ARL15: variants seen among roughly 807,000 people sequenced by gnomAD.
ARL15 encodes the protein ARF like GTPase 15, also known as ADP-ribosylation factor-like protein 15.
ARL15 carries 19 observed loss-of-function variants against 25.2 expected under a neutral mutation model. The observed-to-expected ratio is 0.75, with a 90% CI of 0.53 to 1.10. The LOEUF (loss-of-function observed/expected upper bound fraction) is 1.10, where lower values mean the gene tolerates loss of function less well. ARL15 is among the 50% of genes least tolerant of loss of function. The pLI, the probability that ARL15 is intolerant of heterozygous loss-of-function variation, is 0.00. For synonymous variants in ARL15, 94 were observed against 86.8 expected, an observed-to-expected ratio of 1.08 and a Z score of -0.46; for missense variants, 220 against 246.0, an observed-to-expected ratio of 0.89 and a Z score of 0.71.
chr5:54,270,476 C>T (rs1438402276), intron 1 of ARL15, among the ~76,000 whole-genome samples: 2 of 152,222 alleles, frequency 1.3e-5, no homozygotes, highest in African/African-American at 2.4e-5. Context: ...AGAATGCCCA[C>T]GTATCCCCAG....
intron 4 of ARL15, among the ~76,000 whole-genome samples, chr5:54,030,615 G>A (rs995278917): frequency 6.6e-5 from 10 of 152,164 alleles, no homozygotes; most frequent in African/African-American, 1.9e-4. Flanking sequence ...CAAAGGTCCC[G>A]AGGCAGCAGT....
intron 1 of ARL15, among the ~76,000 whole-genome samples, chr5:54,191,925 T>C (rs1406952345): frequency 2.6e-5 from 4 of 152,156 alleles, no homozygotes; most frequent in African/African-American, 2.4e-5. Context: ...AAAGCCCTTA[T>C]AGCAGACTAA....
chr5:54,215,184 C>T (rs1756159082), intron 1 of ARL15, among the ~76,000 whole-genome samples: 1 of 152,074 alleles, frequency 6.6e-6, no homozygotes, highest in South Asian at 2.1e-4. Context: ...CATTCAGAAA[C>T]AGCTCACATT....
intron 3 of ARL15, among the ~76,000 whole-genome samples, chr5:54,151,028 G>A (rs529555796): frequency 6.6e-5 from 10 of 152,052 alleles, no homozygotes; most frequent in African/African-American, 1.7e-4. Flanking sequence ...ACCAACCTCC[G>A]GCTCCAAATG....
At chr5:54,032,376 CGCATCTGCTATCAT>C (rs1202244548) in intron 4 of ARL15, among the ~76,000 whole-genome samples, 1 of 151,852 alleles carries the variant, frequency 6.6e-6, no homozygotes, top group African/African-American at 2.4e-5. Flanking sequence ...TGGGATTACA[CGCATCTGCTATCAT>C]GCCTGGACTA....
At chr5:54,290,692 T>C (rs1758300917) in intron 1 of ARL15, among the ~76,000 whole-genome samples, 1 of 152,224 alleles carries the variant, frequency 6.6e-6, no homozygotes, top group African/African-American at 2.4e-5. Context: ...CATTGTCCAT[T>C]AGGCACTTGG....
intron 4 of ARL15, among the ~76,000 whole-genome samples, chr5:53,903,405 G>A (rs1262181728): frequency 6.6e-6 from 1 of 152,172 alleles, no homozygotes; most frequent in African/African-American, 2.4e-5. Context: ...TGGGGAAGCA[G>A]AGCAGGTGGT....
chr5:53,983,307 T>A (rs1324759261), intron 4 of ARL15, among the ~76,000 whole-genome samples: 1 of 152,144 alleles, frequency 6.6e-6, no homozygotes, highest in East Asian at 1.9e-4. Flanking sequence ...AAATTTTCTT[T>A]AAAAAAATCA....
At chr5:54,003,070 G>A (rs1435306412) in intron 4 of ARL15, among the ~76,000 whole-genome samples, 1 of 152,156 alleles carries the variant, frequency 6.6e-6, no homozygotes, top group Non-Finnish European at 1.5e-5. Context: ...AACACTCTGG[G>A]CTGTACCTGA....
rs59145507 is a variant in ARL15 at position 53,899,347 on chromosome 5, C to CA, written c.463-12635dup. Among the ~76,000 whole-genome samples the CA allele has an allele frequency of 1.4e-3, 124 of 89,356 alleles. 5 individuals are homozygous for CA. Among genetic ancestry groups the CA allele is most frequent in the East Asian group, 4.1e-3 (6 of 1,462 alleles). 58.6% of individuals were successfully genotyped at this position (89,356 alleles called of 152,430 possible). Reference sequence around the variant, plus strand: ...TGGGTAACAGAGTGAGACTCTATCCCAAAAAAAAAAAAAAAAAAAAAAAAA... The same window carrying CA: ...TGGGTAACAGAGTGAGACTCTATCCCAAAAAAAAAAAAAAAAAAAAAAAAAA... On this transcript the variant is annotated intron_variant, in intron 4 of 4. Transcript: ENST00000504924.
intron 4 of ARL15, among the ~76,000 whole-genome samples, chr5:53,972,278 A>G (rs1580130372): frequency 6.6e-6 from 1 of 152,302 alleles, no homozygotes; most frequent in African/African-American, 2.4e-5. Context: ...GCCCGCATTG[A>G]TAGTCATTTT....
chr5:53,893,037 T>C (rs1312288145), intron 4 of ARL15, among the ~76,000 whole-genome samples: 1 of 152,192 alleles, frequency 6.6e-6, no homozygotes, highest in African/African-American at 2.4e-5. Flanking sequence ...GGACTTTCCT[T>C]GTCTATGTCC....
intron 4 of ARL15, among the ~76,000 whole-genome samples, chr5:53,944,550 C>A (rs951755667): frequency 2.0e-5 from 3 of 152,080 alleles, no homozygotes; most frequent in Non-Finnish European, 4.4e-5. Context: ...TGTGATCATG[C>A]CACTGCACTC....
chr5:53,887,284 C>A (rs1218463738), intron 4 of ARL15: 36 of 661,286 alleles, frequency 5.4e-5, no homozygotes, highest in Non-Finnish European at 7.6e-5. Flanking sequence ...AGGATAGAAA[C>A]TGCATGTATG....
At chr5:54,209,692 G>GAA (rs139790359) in intron 1 of ARL15, among the ~76,000 whole-genome samples, 7 of 149,526 alleles carry the variant, frequency 4.7e-5, no homozygotes, top group East Asian at 2.0e-4. Flanking sequence ...CACATATAAT[G>GAA]AAAAAAAAAA....
intron 4 of ARL15, among the ~76,000 whole-genome samples, chr5:54,039,826 A>C (rs915524047): frequency 1.8e-4 from 25 of 141,370 alleles, no homozygotes; most frequent in Non-Finnish European, 3.9e-4. Flanking sequence ...AAAAAAAAAA[A>C]CAAGGCAAAT....
intron 1 of ARL15, among the ~76,000 whole-genome samples, chr5:54,208,392 A>G (rs527870864): frequency 2.1e-4 from 32 of 152,192 alleles, no homozygotes; most frequent in African/African-American, 7.2e-4. Context: ...ATACATATAT[A>G]CATGCACATG....
At chr5:54,149,025 G>A (rs181335846) in intron 3 of ARL15, among the ~76,000 whole-genome samples, 2 of 152,290 alleles carry the variant, frequency 1.3e-5, no homozygotes, top group East Asian at 3.9e-4. Context: ...TGACATCACT[G>A]CAGTGTGGAC....
chr5:53,904,738 C>CTTTTTTTT (rs35684823), intron 4 of ARL15, among the ~76,000 whole-genome samples: 1 of 126,190 alleles, frequency 7.9e-6, no homozygotes, highest in Non-Finnish European at 1.6e-5. Context: ...TTTTTAGTTC[C>CTTTTTTTT]TTTTTTTTTT....
Sources: gnomAD v4.1 joint callset for allele counts (sites outside exome capture counted in the v4.1 genomes callset) on GRCh38, gnomAD v4.1.1 for gene constraint, MANE v1.5 for transcripts, NCBI Gene and HGNC (gene_info 2026-07-23, HGNC 2026-07-21) for gene names.